The following RIMS2 variants were observed in gnomAD, a reference collection of about 807,000 sequenced individuals.
RIMS2 encodes the protein regulating synaptic membrane exocytosis protein 2.
A neutral mutation model predicts 174.4 loss-of-function variants in RIMS2; 59 were observed. That is an observed-to-expected ratio of 0.34 (90% CI 0.27 to 0.42). The LOEUF is 0.42. Ranked by LOEUF, RIMS2 falls within the 10% of genes least tolerant of loss-of-function variation. The pLI is 1.00. For missense variants in RIMS2, 1,620 were observed against 1,666.3 expected (o/e 0.97, Z 0.48); for synonymous variants, 606 against 572.5 (o/e 1.06, Z -0.84).
At chr8:103,960,094 T>C (rs1279586887) in intron 14 of RIMS2, among the ~76,000 whole-genome samples, 1 of 152,094 alleles carries the variant, frequency 6.6e-6, no homozygotes, top group Non-Finnish European at 1.5e-5. Flanking sequence ...TCGACAAAAT[T>C]GATAGACCGC....
intron 3 of RIMS2, among the ~76,000 whole-genome samples, chr8:103,827,036 C>A (rs1055644210): frequency 6.6e-6 from 1 of 152,052 alleles, no homozygotes; most frequent in Admixed American, 6.6e-5. Flanking sequence ...GGGATTAAAT[C>A]TCGGATTGCG....
At chr8:103,867,492 G>A (rs1488891926) in intron 3 of RIMS2, among the ~76,000 whole-genome samples, 1 of 151,770 alleles carries the variant, frequency 6.6e-6, no homozygotes, top group East Asian at 1.9e-4. Flanking sequence ...AACCTTTTAA[G>A]TTTTCTAAGG....
chr8:103,755,180 A>G (rs527910814), intron 2 of RIMS2, among the ~76,000 whole-genome samples: 1 of 152,260 alleles, frequency 6.6e-6, no homozygotes, highest in African/African-American at 2.4e-5. Context: ...TTTCTGCTTC[A>G]CTTATAAAAT....
chr8:103,844,135 G>C (rs889158509), intron 3 of RIMS2, among the ~76,000 whole-genome samples: 1 of 152,172 alleles, frequency 6.6e-6, no homozygotes, highest in African/African-American at 2.4e-5. Flanking sequence ...ACGTGGAACT[G>C]TGTGTTCTCC....
At chr8:103,996,345 G>A (rs1281615257) in intron 17 of RIMS2, among the ~76,000 whole-genome samples, 1 of 151,842 alleles carries the variant, frequency 6.6e-6, no homozygotes, top group Non-Finnish European at 1.5e-5. Context: ...CTCGTAAATA[G>A]GCAAAGGGTA....
intron 19 of RIMS2, among the ~76,000 whole-genome samples, chr8:104,070,440 T>A (rs1263389710): frequency 6.6e-6 from 1 of 152,208 alleles, no homozygotes; most frequent in Non-Finnish European, 1.5e-5. Flanking sequence ...TTCAAACAGG[T>A]ATAGTAAATT....
At chr8:104,026,609 C>T (rs1427588380) in intron 19 of RIMS2, among the ~76,000 whole-genome samples, 1 of 149,810 alleles carries the variant, frequency 6.7e-6, no homozygotes, top group African/African-American at 2.5e-5. Context: ...ATACAGATAA[C>T]CTTATAAATA....
chr8:103,725,683 G>C (rs1000021591), intron 2 of RIMS2, among the ~76,000 whole-genome samples: 2 of 152,194 alleles, frequency 1.3e-5, no homozygotes, highest in African/African-American at 4.8e-5. Flanking sequence ...ATAAACATTT[G>C]TGTTCAAGTC....
At chr8:103,910,836 A>G (rs1241106959) in intron 5 of RIMS2, among the ~76,000 whole-genome samples, 1 of 152,246 alleles carries the variant, frequency 6.6e-6, no homozygotes, top group Non-Finnish European at 1.5e-5. Context: ...TGTTATTAAA[A>G]ACCACAAATA....
intron 3 of RIMS2, among the ~76,000 whole-genome samples, chr8:103,870,302 T>C (rs2099104375): frequency 6.6e-6 from 1 of 151,942 alleles, no homozygotes; most frequent in Non-Finnish European, 1.5e-5. Context: ...AGTGGATACA[T>C]GTAAAGTACC....
chr8:103,606,640 C>G (rs2095103284), intron 1 of RIMS2, among the ~76,000 whole-genome samples: 2 of 152,028 alleles, frequency 1.3e-5, no homozygotes, highest in African/African-American at 4.8e-5. Context: ...GAGTCTAAGT[C>G]TCTTTGTAGG....
At chr8:103,525,267 T>C (rs1363149599) in intron 1 of RIMS2, among the ~76,000 whole-genome samples, 2 of 152,186 alleles carry the variant, frequency 1.3e-5, no homozygotes, top group Non-Finnish European at 2.9e-5. Flanking sequence ...TATCAAGGTA[T>C]TTTTGTTTCA....
intron 19 of RIMS2, among the ~76,000 whole-genome samples, chr8:104,101,628 A>G (rs1424305893): frequency 6.6e-6 from 1 of 151,996 alleles, no homozygotes; most frequent in Admixed American, 6.6e-5. Context: ...TAACATACCC[A>G]TTGTCTCATA....
intron 1 of RIMS2, among the ~76,000 whole-genome samples, chr8:103,689,359 C>T (rs1239232371): frequency 6.6e-6 from 1 of 151,776 alleles, no homozygotes; most frequent in Non-Finnish European, 1.5e-5. Context: ...TCTGTAAATA[C>T]CTATTAATTC....
At chr8:103,944,569 C>G (rs1391140008) in intron 14 of RIMS2, among the ~76,000 whole-genome samples, 1 of 151,972 alleles carries the variant, frequency 6.6e-6, no homozygotes, top group Non-Finnish European at 1.5e-5. Flanking sequence ...TTTTTTTCCC[C>G]ACACTACTTA....
chr8:103,553,955 G>GA (rs377063578), intron 1 of RIMS2, among the ~76,000 whole-genome samples: 18,879 of 76,418 alleles, frequency 0.25, 1,271 homozygotes, highest in African/African-American at 0.35. Context: ...GTGGGAAAAG[G>GA]ACCCCCGTTC....
intron 17 of RIMS2, among the ~76,000 whole-genome samples, chr8:104,001,034 T>A (rs2095363051): frequency 6.6e-6 from 1 of 151,966 alleles, no homozygotes; most frequent in Non-Finnish European, 1.5e-5. Context: ...CTTTGTTTAT[T>A]GTTTTCTAAA....
At chr8:103,967,657 A>G (rs1199213459) in intron 15 of RIMS2, among the ~76,000 whole-genome samples, 5 of 152,050 alleles carry the variant, frequency 3.3e-5, no homozygotes, top group South Asian at 2.1e-4. Flanking sequence ...GGATTCATCT[A>G]TTTCTCTATG....
At chr8:104,250,773 G>GTAT (rs2099356399) in intron 22 of RIMS2, among the ~76,000 whole-genome samples, 1 of 152,136 alleles carries the variant, frequency 6.6e-6, no homozygotes, top group South Asian at 2.1e-4. Flanking sequence ...AATGCAGTGT[G>GTAT]TAAACCTATA....
Sources: allele counts gnomAD v4.1 joint callset (sites outside exome capture counted in the v4.1 genomes callset), GRCh38; gene constraint gnomAD v4.1.1; transcripts MANE v1.5; gene names NCBI Gene and HGNC (gene_info 2026-07-23, HGNC 2026-07-21).